DCC: variants seen among roughly 807,000 people sequenced by gnomAD.
DCC encodes the protein netrin receptor DCC.
A neutral mutation model predicts 172.5 loss-of-function variants in DCC; 58 were observed. That is an observed-to-expected ratio of 0.34 (90% CI 0.27 to 0.42). DCC has a LOEUF of 0.42. Among genes scored for constraint, DCC ranks in the 10% least tolerant of loss-of-function variants. DCC has a pLI of 1.00. For missense variants in DCC, 1,740 were observed against 1,791.0 expected, an observed-to-expected ratio of 0.97 and a Z score of 0.51; for synonymous variants, 709 against 644.5, an observed-to-expected ratio of 1.10 and a Z score of -1.52.
chr18:53,159,703 T>A (rs2054803500), intron 8 of DCC, among the ~76,000 whole-genome samples: 1 of 136,148 alleles, frequency 7.3e-6, no homozygotes, highest in South Asian at 3.1e-4. Flanking sequence ...GTGGTTTCTA[T>A]AATCTATAAT....
At chr18:53,165,641 A>G (rs2054906457) in intron 8 of DCC, among the ~76,000 whole-genome samples, 1 of 152,218 alleles carries the variant, frequency 6.6e-6, no homozygotes. Flanking sequence ...ATGAGAGAAT[A>G]ATGATTTTAT....
At chr18:52,990,196 C>T (rs767020925) in intron 5 of DCC, among the ~76,000 whole-genome samples, 1 of 152,106 alleles carries the variant, frequency 6.6e-6, no homozygotes, top group African/African-American at 2.4e-5. Flanking sequence ...GATCTTTTCT[C>T]AATACTAGAT....
At chr18:52,972,292 A>G (rs1030143549) in intron 5 of DCC, among the ~76,000 whole-genome samples, 2 of 152,170 alleles carry the variant, frequency 1.3e-5, no homozygotes, top group Admixed American at 1.3e-4. Flanking sequence ...GCCTTCCACA[A>G]TTAAGTTGCC....
chr18:53,505,717 A>T (rs1256058850), intron 27 of DCC, among the ~76,000 whole-genome samples: 2 of 152,204 alleles, frequency 1.3e-5, no homozygotes, highest in African/African-American at 4.8e-5. Flanking sequence ...TTTGTAACCT[A>T]ATAGAAGACA....
At chr18:53,089,950 A>C (rs1045222545) in intron 7 of DCC, among the ~76,000 whole-genome samples, 1 of 152,210 alleles carries the variant, frequency 6.6e-6, no homozygotes, top group Non-Finnish European at 1.5e-5. Context: ...TGAATATTTT[A>C]TACCAATTTC....
chr18:53,047,825 A>T (rs2042277179), intron 5 of DCC, among the ~76,000 whole-genome samples: 1 of 151,778 alleles, frequency 6.6e-6, no homozygotes, highest in Non-Finnish European at 1.5e-5. Flanking sequence ...TCTCTTGTGA[A>T]AAATGAACAT....
intron 2 of DCC, among the ~76,000 whole-genome samples, chr18:52,807,523 A>G (rs1021546811): frequency 3.0e-5 from 3 of 99,494 alleles, no homozygotes; most frequent in Non-Finnish European, 7.8e-5. Context: ...CAATATTGAA[A>G]GCACAGCTAT....
Position 53,244,640 on chromosome 18 carries a change from T to C in DCC, c.1911+29043T>C, listed in dbSNP as rs115297257. ...GAACTCATTTGGGACTGTTCACTTA[T>C]GTGCCTCTTATCTCCACGTGGCCTC... is the stretch of plus-strand genomic sequence containing the variant. On this transcript the variant is annotated intron_variant, in intron 12 of 28. Transcript: ENST00000442544. 9.3e-4 allele frequency among the ~76,000 whole-genome samples: 141 copies of C among 152,238 alleles called. 2 individuals are homozygous for C. Among genetic ancestry groups the C allele is most frequent in the African/African-American group, 3.2e-3 (133 of 41,560 alleles).
intron 1 of DCC, among the ~76,000 whole-genome samples, chr18:52,347,968 C>T (rs899920711): frequency 6.6e-6 from 1 of 152,088 alleles, no homozygotes; most frequent in South Asian, 2.1e-4. Context: ...TACCCACTAG[C>T]AGTTTTCTGA....
chr18:53,182,472 A>C (rs1051830729), intron 9 of DCC, among the ~76,000 whole-genome samples: 1 of 152,228 alleles, frequency 6.6e-6, no homozygotes, highest in Admixed American at 6.5e-5. Context: ...GGAATAAAGT[A>C]GCCTGCATAA....
At chr18:53,455,890 T>A (rs2045476825) in intron 23 of DCC, among the ~76,000 whole-genome samples, 1 of 152,238 alleles carries the variant, frequency 6.6e-6, no homozygotes, top group South Asian at 2.1e-4. Flanking sequence ...GATCTTTACA[T>A]TTGTAGTACT....
At chr18:52,504,313 A>G (rs886778689) in intron 1 of DCC, among the ~76,000 whole-genome samples, 5 of 152,130 alleles carry the variant, frequency 3.3e-5, no homozygotes, top group Non-Finnish European at 7.4e-5. Flanking sequence ...TGGCAGTGTC[A>G]ATGGGAGAAG....
At chr18:52,929,450 T>TA (rs1349761142) in intron 5 of DCC, among the ~76,000 whole-genome samples, 1 of 152,144 alleles carries the variant, frequency 6.6e-6, no homozygotes. Flanking sequence ...ATTAGTCACT[T>TA]ACATAAAATA....
intron 7 of DCC, among the ~76,000 whole-genome samples, chr18:53,075,655 T>A (rs1313876094): frequency 3.0e-4 from 46 of 152,156 alleles, no homozygotes. Context: ...ATTTTTATCT[T>A]TCACCTGTAT....
At chr18:53,099,932 TTTC>T (rs2043140953) in intron 7 of DCC, among the ~76,000 whole-genome samples, 1 of 119,404 alleles carries the variant, frequency 8.4e-6, no homozygotes, top group East Asian at 2.1e-4. Context: ...TTTCTTTTCT[TTTC>T]TTTCTTTCTT....
intron 1 of DCC, among the ~76,000 whole-genome samples, chr18:52,736,522 TCA>T (rs2036732654): frequency 2.6e-5 from 4 of 152,250 alleles, no homozygotes; most frequent in Middle Eastern, 3.4e-3. Flanking sequence ...GGCACATTTT[TCA>T]TACTGTTTTT....
At chr18:53,019,656 C>T (rs1369317346) in intron 5 of DCC, among the ~76,000 whole-genome samples, 1 of 152,018 alleles carries the variant, frequency 6.6e-6, no homozygotes, top group Non-Finnish European at 1.5e-5. Flanking sequence ...GTGATATATT[C>T]CAGTTTATCT....
intron 2 of DCC, among the ~76,000 whole-genome samples, chr18:52,814,766 A>AT (rs1182614086): frequency 1.3e-5 from 2 of 152,184 alleles, no homozygotes; most frequent in African/African-American, 2.4e-5. Context: ...AAATGCATAG[A>AT]TTTTTCAGCA....
chr18:52,340,734 G>T lies in DCC; in HGVS notation c.-54G>T. ...TGTGCATGCGTGTGTGAGTGCATGT[G>T]TGTGAGTGCTGCCGCTGCCCGCGAC... On this transcript the variant is annotated 5_prime_UTR_variant, in exon 1 of 29. Transcript: ENST00000442544. The T allele has an allele frequency of 1.5e-6, 2 of 1,311,270 alleles. No individual in the cohort carries two copies. Among genetic ancestry groups the T allele is most frequent in the Non-Finnish European group, 2.2e-6 (2 of 904,544 alleles). The allele number at this position is 1,311,270 out of a possible 1,614,324, so 81.2% of individuals were successfully genotyped here. A position where few individuals can be genotyped will look rare whatever the true frequency, so the allele number is the denominator to read the frequency against.
Sources: allele counts gnomAD v4.1 joint callset (sites outside exome capture counted in the v4.1 genomes callset), GRCh38; gene constraint gnomAD v4.1.1; transcripts MANE v1.5; gene names NCBI Gene and HGNC (gene_info 2026-07-23, HGNC 2026-07-21).